ZNF584: variants seen among roughly 807,000 people sequenced by gnomAD.
The protein encoded by ZNF584 is zinc finger protein 584.
ZNF584 carries 12 observed loss-of-function variants against 14.7 expected under a neutral mutation model. The observed-to-expected ratio is 0.82, with a 90% CI of 0.52 to 1.32. ZNF584 has a LOEUF of 1.32. Ranked by LOEUF, ZNF584 falls within the 40% of genes most tolerant of loss-of-function variation. The pLI is 0.00. For synonymous variants in ZNF584, 204 were observed against 190.9 expected (o/e 1.07, Z -0.57); for missense variants, 478 against 518.8 (o/e 0.92, Z 0.76).
intron 3 of ZNF584, 82 bp from the exon 4 acceptor site, chr19:58,416,729 G>A: frequency 6.7e-7 from 1 of 1,488,994 alleles, no homozygotes; most frequent in Non-Finnish European, 8.9e-7. Flanking sequence ...GAGTCCTTCT[G>A]GGTGTGTCTG....
At chr19:58,402,824 C>CAAAAAAAAAAA (rs35168811) in intron 1 of ZNF584, among the ~76,000 whole-genome samples, 1 of 47,480 alleles carries the variant, frequency 2.1e-5, no homozygotes, top group African/African-American at 8.8e-5. Flanking sequence ...AACTGCGTCT[C>CAAAAAAAAAAA]AAAAAAAAAA....
chr19:58,408,174 C>A (rs2052490901), upstream of ZNF584: 1 of 152,272 alleles, frequency 6.6e-6, no homozygotes, highest in Admixed American at 6.5e-5. Context: ...TTTTTCTGAG[C>A]CTTGCTCCGG....
At chr19:58,410,548 T>TTTTTTTTTTTTTTTTTTTGAGACAG (rs1568584390) in intron 2 of ZNF584, among the ~76,000 whole-genome samples, 1 of 63,546 alleles carries the variant, frequency 1.6e-5, no homozygotes, top group Non-Finnish European at 2.7e-5. Flanking sequence ...TATATATATA[T>TTTTTTTTTTTTTTTTTTTGAGACAG]ATATATATAT....
At chr19:58,410,563 ATATATATATGTATATATATG>A (rs1368140818) in intron 2 of ZNF584, among the ~76,000 whole-genome samples, 316 of 29,424 alleles carry the variant, frequency 0.011, 38 homozygotes, top group Middle Eastern at 0.026. Flanking sequence ...ATATATGTGT[ATATATATATGTATATATATG>A]TATATATATG....
chr19:58,416,604 G>A, intron 3 of ZNF584: 1 of 452,874 alleles, frequency 2.2e-6, no homozygotes, highest in Non-Finnish European at 3.8e-6. Context: ...GTTTCGTCGT[G>A]TTGGTCAGGC....
chr19:58,416,364 G>A (rs1197050943), intron 3 of ZNF584: 2 of 163,982 alleles, frequency 1.2e-5, no homozygotes, highest in Non-Finnish European at 2.6e-5. Flanking sequence ...AGCCTCTTGA[G>A]TAGCTGGGAC....
chr19:58,404,875 C>CG (rs1247370670), upstream of ZNF584: 6 of 154,138 alleles, frequency 3.9e-5, no homozygotes, highest in Non-Finnish European at 8.4e-5. Flanking sequence ...GACCCCCCCC[C>CG]CCACCTCCCT....
intron 3 of ZNF584, chr19:58,416,606 T>C: frequency 2.2e-6 from 1 of 455,306 alleles, no homozygotes; most frequent in Non-Finnish European, 3.8e-6. Context: ...TTCGTCGTGT[T>C]GGTCAGGCTG....
chr19:58,410,687 ATATATG>A (rs1568584949), intron 2 of ZNF584, among the ~76,000 whole-genome samples: 2 of 44,628 alleles, frequency 4.5e-5, no homozygotes, highest in African/African-American at 3.5e-4. Flanking sequence ...ATATATATGT[ATATATG>A]TATATATATA....
chr19:58,413,118 T>G (rs2052596932), intron 2 of ZNF584, among the ~76,000 whole-genome samples: 1 of 152,140 alleles, frequency 6.6e-6, no homozygotes, highest in Non-Finnish European at 1.5e-5. Context: ...TCGGTTCTCT[T>G]TTTCTAATCT....
At chr19:58,410,508 C>T (rs1215885709) in intron 2 of ZNF584, among the ~76,000 whole-genome samples, 1 of 120,470 alleles carries the variant, frequency 8.3e-6, no homozygotes, top group Non-Finnish European at 1.6e-5. Flanking sequence ...TTAATCAGAA[C>T]GGTTTGGGAA....
At chr19:58,415,136 G>A (rs569976114) in intron 2 of ZNF584, among the ~76,000 whole-genome samples, 10 of 152,004 alleles carry the variant, frequency 6.6e-5, no homozygotes, top group Admixed American at 1.3e-4. Flanking sequence ...CTCGTGATCC[G>A]CCCACCTTGG....
rs377008409 is a variant in ZNF584 at position 58,417,280 on chromosome 19, A to G, written c.762A>G (p.Lys254=). 38 of 1,613,986 alleles carry G rather than the reference A, an allele frequency of 2.4e-5. No individual in the cohort carries two copies. In the African/African-American group the frequency reaches 3.6e-4, roughly 15 times the overall value. ...ACTGTGGTAAAACCTTCAACCGCAA[A>G]GACGCACTTGTTCTACACCAGAGGA... The part of the protein sequence containing the change: ...CSDCGKTFNR[K]DALVLHQRIH... Residue 254 remains lysine, a synonymous_variant, in exon 4 of 4, where the codon AAA becomes AAG. Coordinates refer to ENST00000306910, the MANE Select transcript of ZNF584 (RefSeq NM_173548.3).
At chr19:58,412,754 C>T (rs1425812920) in intron 2 of ZNF584, among the ~76,000 whole-genome samples, 2 of 152,182 alleles carry the variant, frequency 1.3e-5, no homozygotes, top group Non-Finnish European at 2.9e-5. Flanking sequence ...TGTTAGTATT[C>T]ACCTTTGAAG....
chr19:58,416,598 C>A (rs1445682411), intron 3 of ZNF584: 2 of 432,146 alleles, frequency 4.6e-6, no homozygotes, highest in African/African-American at 4.0e-5. Context: ...GATGGGGTTT[C>A]GTCGTGTTGG....
Position 58,409,155 on chromosome 19 carries a change from G to A in ZNF584, c.8G>A (p.Gly3Glu). 1 of 1,445,260 alleles carries A rather than the reference G, an allele frequency of 6.9e-7. No individual in the cohort carries two copies. Among genetic ancestry groups the A allele is most frequent in the Non-Finnish European group, 9.2e-7 (1 of 1,091,732 alleles). The allele number at this position is 1,445,260 out of a possible 1,614,324, so 89.5% of individuals were successfully genotyped here. The part of the protein sequence containing the change: MA[G>E]EAEAQLDPSL... ...TTCTGCCCGCACGGTCCAATGGCCGGGGAGGCGGAGGTGAGCAGAGGATGC... is the reference window on the plus strand; with the variant it reads ...TTCTGCCCGCACGGTCCAATGGCCGAGGAGGCGGAGGTGAGCAGAGGATGC... The change falls in exon 1 of 4, where the codon GGG becomes GAG. Residue 3 changes from glycine (G) to glutamate (E), a missense_variant. Physicochemically the swap from Gly to Glu is moderately conservative, Grantham distance 98. Around this residue, in one of 3 missense-constraint regions of ZNF584, gnomAD observed 189 missense variants for 177.9 expected, o/e 1.06. Transcript: ENST00000306910.
chr19:58,417,374 A>G lies in ZNF584; in HGVS notation c.856A>G (p.Ile286Val). 1 of 1,614,032 alleles carries G rather than the reference A, an allele frequency of 6.2e-7. No homozygotes were observed. The change falls in exon 4 of 4, where the codon ATT (isoleucine) becomes GTT (valine). Residue 286 changes from isoleucine (I) to valine (V), a missense_variant. Transcript: ENST00000306910. ...AACCTTCAGTGTTCTGTCTACCCTC[A>G]TTCGGCACCGGAAAGTGCACATTGG... ...GKTFSVLSTL[I>V]RHRKVHIGER...
At chr19:58,415,436 G>A (rs1455886992) in intron 2 of ZNF584, 88 bp from the exon 3 acceptor site, 18 of 1,503,142 alleles carry the variant, frequency 1.2e-5, no homozygotes, top group South Asian at 1.3e-5. Flanking sequence ...GGGTTTAAGT[G>A]ATCTCCTACC....
chr19:58,414,924 G>T (rs1391549983), intron 2 of ZNF584, among the ~76,000 whole-genome samples: 3 of 151,100 alleles, frequency 2.0e-5, no homozygotes, highest in African/African-American at 4.9e-5. Flanking sequence ...ACAGAGTCTC[G>T]CACTGTCGCC....
Sources: gnomAD v4.1 joint callset for allele counts (sites outside exome capture counted in the v4.1 genomes callset) on GRCh38, gnomAD v4.1.1 for gene constraint, gnomAD v4.1.1 regional missense constraint, MANE v1.5 for transcripts, NCBI Gene and HGNC (gene_info 2026-07-23, HGNC 2026-07-21) for gene names.